Variants in PARD3 observed in about 807,000 individuals in gnomAD.
PARD3 encodes the protein par-3 family cell polarity regulator, also known as partitioning defective 3 homolog.
In PARD3, 75 loss-of-function variants were observed where a neutral mutation model predicts 155.4. The ratio of observed to expected loss-of-function variants is 0.48; its 90% CI spans 0.40 to 0.58. The LOEUF (loss-of-function observed/expected upper bound fraction) is 0.58. Among genes scored for constraint, PARD3 ranks in the 20% least tolerant of loss-of-function variants. The pLI is 0.00. For synonymous variants in PARD3, 576 were observed against 610.5 expected (o/e 0.94, Z 0.83); for missense variants, 1,642 against 1,721.7 (o/e 0.95, Z 0.82).
intron 22 of PARD3, among the ~76,000 whole-genome samples, chr10:34,244,502 T>C (rs1211097361): frequency 6.6e-6 from 1 of 152,212 alleles, no homozygotes; most frequent in Non-Finnish European, 1.5e-5. Context: ...GAGGATATTA[T>C]ATCATGACCA....
Position 34,177,437 on chromosome 10 carries a change from C to A in PARD3, c.3420-45854G>T, listed in dbSNP as rs922513093. Among the ~76,000 whole-genome samples, 25 of 152,108 alleles carry A rather than the reference C, an allele frequency of 1.6e-4. 1 individual carries two copies. The highest frequency in any genetic ancestry group is 1.6e-3 in the Admixed American group (24 of 15,272). On this transcript the variant is annotated intron_variant, in intron 22 of 24. Transcript: ENST00000374788. ...GATAAAAGATTAGACAAATACCCCC[C>A]AAATCAGTTTGACAAGTATTCATCA...
intron 2 of PARD3, among the ~76,000 whole-genome samples, chr10:34,572,537 G>T (rs2086503940): frequency 6.6e-6 from 1 of 151,812 alleles, no homozygotes; most frequent in Non-Finnish European, 1.5e-5. Context: ...TACTCAGGAG[G>T]CTGAGAGGGA....
intron 2 of PARD3, among the ~76,000 whole-genome samples, chr10:34,682,448 A>G (rs957024145): frequency 3.6e-4 from 55 of 152,216 alleles, no homozygotes; most frequent in African/African-American, 1.1e-3. Flanking sequence ...CCAAGTATAT[A>G]CCATGCTCTC....
chr10:34,674,003 A>AAAAG (rs1564490543), intron 2 of PARD3, among the ~76,000 whole-genome samples: 1 of 144,666 alleles, frequency 6.9e-6, no homozygotes, highest in Admixed American at 6.9e-5. Context: ...AAAAACAAAC[A>AAAAG]AACAGGAGGA....
intron 9 of PARD3, 88 bp downstream of exon 9, chr10:34,382,452 T>G: frequency 7.1e-7 from 1 of 1,408,398 alleles, no homozygotes; most frequent in Admixed American, 2.2e-5. Flanking sequence ...GGTTAGTAGG[T>G]TGACTTTTAA....
At chr10:34,413,144 TACACACACACACACACACACAC>T (rs146779470) in intron 5 of PARD3, among the ~76,000 whole-genome samples, 1 of 145,882 alleles carries the variant, frequency 6.9e-6, no homozygotes, top group Non-Finnish European at 1.5e-5. Context: ...CAGATATATA[TACACACACACACACACACACAC>T]ACACACACAC....
intron 1 of PARD3, among the ~76,000 whole-genome samples, chr10:34,808,739 C>T (rs996604945): frequency 4.6e-5 from 7 of 152,210 alleles, no homozygotes; most frequent in South Asian, 2.1e-4. Flanking sequence ...CCAGGACAGA[C>T]GGAGGATCCG....
intron 22 of PARD3, among the ~76,000 whole-genome samples, chr10:34,194,847 T>C (rs1015130782): frequency 2.0e-5 from 3 of 152,200 alleles, no homozygotes; most frequent in Admixed American, 6.5e-5. Context: ...TTTACTGTCA[T>C]TGAATACTTA....
chr10:34,788,314 T>C (rs144721352), intron 1 of PARD3, among the ~76,000 whole-genome samples: 211 of 152,284 alleles, frequency 1.4e-3, no homozygotes, highest in Middle Eastern at 0.01. Flanking sequence ...GCAGGACCAG[T>C]TGATGTCATC....
chr10:34,136,751 G>C (rs1485608520), intron 22 of PARD3, among the ~76,000 whole-genome samples: 1 of 152,088 alleles, frequency 6.6e-6, no homozygotes, highest in Non-Finnish European at 1.5e-5. Context: ...AATTCTACCA[G>C]TAAGTCTAAG....
At chr10:34,727,248 A>G (rs1590840181) in intron 1 of PARD3, among the ~76,000 whole-genome samples, 1 of 152,100 alleles carries the variant, frequency 6.6e-6, no homozygotes, top group South Asian at 2.1e-4. Context: ...GAGAGCATGA[A>G]CCCTATCTAA....
chr10:34,273,456 T>C (rs2133875133), intron 21 of PARD3, among the ~76,000 whole-genome samples: 1 of 152,302 alleles, frequency 6.6e-6, no homozygotes, highest in East Asian at 1.9e-4. Flanking sequence ...ATGGAGTTGG[T>C]GAACAGGTTA....
At chr10:34,270,431 C>A (rs1353619018) in intron 21 of PARD3, among the ~76,000 whole-genome samples, 1 of 152,138 alleles carries the variant, frequency 6.6e-6, no homozygotes, top group African/African-American at 2.4e-5. Context: ...GTGTGAGCCA[C>A]CGTGCCTGGC....
rs765250812 is a variant in PARD3, at chr10:34,492,989, A to AT, written c.404-22727dup. 1.2e-3 allele frequency among the ~76,000 whole-genome samples: 187 copies of AT among 152,310 alleles called. 1 individual carries two copies. Among genetic ancestry groups the AT allele is most frequent in the Middle Eastern group, 3.4e-3 (1 of 294 alleles). ...AATTCCAAGAACGAAAGTGTTTACC[A>AT]TTTTTTCTGTCTACCTTGTATATCC... On this transcript the variant is annotated intron_variant, in intron 3 of 24. Transcript: ENST00000374788.
chr10:34,196,949 G>A (rs374201809), intron 22 of PARD3, among the ~76,000 whole-genome samples: 3 of 152,074 alleles, frequency 2.0e-5, no homozygotes, highest in Admixed American at 6.5e-5. Context: ...TGATACTGGC[G>A]TTACTATGAA....
At chr10:34,269,926 A>G in intron 21 of PARD3, 27 bp from the exon 22 acceptor site, 1 of 1,604,374 alleles carries the variant, frequency 6.2e-7, no homozygotes, top group Non-Finnish European at 8.5e-7. Flanking sequence ...AAGTTGAAAT[A>G]AGAGAAACCT....
chr10:34,472,253 T>A (rs2078398121), intron 3 of PARD3, among the ~76,000 whole-genome samples: 1 of 152,192 alleles, frequency 6.6e-6, no homozygotes, highest in Non-Finnish European at 1.5e-5. Context: ...TAATAATTTC[T>A]GGATTTTAGT....
intron 2 of PARD3, among the ~76,000 whole-genome samples, chr10:34,631,606 G>C (rs945732516): frequency 6.6e-6 from 1 of 152,064 alleles, no homozygotes; most frequent in Non-Finnish European, 1.5e-5. Context: ...GCTGGTTTTT[G>C]GCTTGAAATA....
At chr10:34,156,580 T>C (rs1588960009) in intron 22 of PARD3, among the ~76,000 whole-genome samples, 1 of 152,320 alleles carries the variant, frequency 6.6e-6, no homozygotes, top group East Asian at 1.9e-4. Context: ...AGGGTTTGTT[T>C]GCAAGTGCTC....
Sources: gnomAD v4.1 joint callset for allele counts (sites outside exome capture counted in the v4.1 genomes callset) on GRCh38, gnomAD v4.1.1 for gene constraint, MANE v1.5 for transcripts, NCBI Gene and HGNC (gene_info 2026-07-23, HGNC 2026-07-21) for gene names.